FGF23: variants seen among roughly 807,000 people sequenced by gnomAD.
FGF23 encodes fibroblast growth factor 23.
A neutral mutation model predicts 9.0 loss-of-function variants in FGF23; 8 were observed. That is an observed-to-expected ratio of 0.89 (90% confidence interval 0.52 to 1.60). The LOEUF (loss-of-function observed/expected upper bound fraction) is 1.60, where lower values mean the gene tolerates loss of function less well. Ranked by LOEUF, FGF23 falls within the 40% of genes most tolerant of loss-of-function variation. The probability of loss-of-function intolerance (pLI) is 0.00; values close to 1 mark genes in which losing one functional copy is unlikely to be tolerated. For synonymous variants in FGF23, 118 were observed against 146.2 expected (o/e 0.81, Z 1.39); for missense variants, 311 against 344.3 (o/e 0.90, Z 0.77).
Position 4,370,833 on chromosome 12 carries a change from C to A in FGF23, c.316-50G>T, listed in dbSNP as rs370964848. The A allele has an allele frequency of 2.8e-5, 42 of 1,511,512 alleles. No homozygotes were observed. The African/African-American group carries it at 4.0e-4, about 14-fold the overall frequency. 93.6% of individuals were successfully genotyped at this position (1,511,512 alleles called of 1,614,324 possible). ...TGAAGGCTGGCAGTGGGGGCCCCAC[C>A]CACTCCCCAGCTCCTCCTGGGGCCA... On this transcript the variant is annotated intron_variant, in intron 2 of 2. Coordinates refer to ENST00000237837, the MANE Select transcript of FGF23 (RefSeq NM_020638.3).
At chr12:4,376,548 G>C (rs1413716622) in intron 1 of FGF23, among the ~76,000 whole-genome samples, 1 of 151,302 alleles carries the variant, frequency 6.6e-6, no homozygotes, top group African/African-American at 2.4e-5. Flanking sequence ...TTGAGACGGA[G>C]TCTCACTCTG....
At chr12:4,371,996 A>G (rs1865068553) in intron 2 of FGF23, among the ~76,000 whole-genome samples, 1 of 152,004 alleles carries the variant, frequency 6.6e-6, no homozygotes, top group African/African-American at 2.4e-5. Flanking sequence ...CTATGCAGCC[A>G]TAAAAAATGA....
At chr12:4,375,363 G>A (rs13312777) in intron 1 of FGF23, among the ~76,000 whole-genome samples, 200 of 152,276 alleles carry the variant, frequency 1.3e-3, no homozygotes, top group African/African-American at 4.5e-3. Context: ...AACATCCGGC[G>A]GTGGTTGAGG....
intron 1 of FGF23, among the ~76,000 whole-genome samples, chr12:4,379,167 T>C (rs1403644690): frequency 6.6e-6 from 1 of 150,864 alleles, no homozygotes; most frequent in Non-Finnish European, 1.5e-5. Flanking sequence ...ATTAGGAGAG[T>C]GACAGAATCT....
chr12:4,370,201 T>A lies in FGF23; in HGVS notation c.*142A>T. On this transcript the variant is annotated 3_prime_UTR_variant, in exon 3 of 3. Transcript: ENST00000237837. Reference sequence around the variant, plus strand: ...AAAGGTTGGTTCTCACAGGACCTCCTGTGGAAGGGACCCCAGAGAAGCAGC... The same window carrying A: ...AAAGGTTGGTTCTCACAGGACCTCCAGTGGAAGGGACCCCAGAGAAGCAGC... 1.2e-6 allele frequency: 1 copy of A among 825,080 alleles called. No homozygotes were observed. Among genetic ancestry groups the A allele is most frequent in the Non-Finnish European group, 2.0e-6 (1 of 503,548 alleles). The allele number at this position is 825,080 out of a possible 1,614,324, so 51.1% of individuals were successfully genotyped here.
chr12:4,373,911 G>A (rs1366954790), intron 1 of FGF23, among the ~76,000 whole-genome samples: 2 of 152,142 alleles, frequency 1.3e-5, no homozygotes, highest in East Asian at 3.9e-4. Context: ...TTCCTCTTCT[G>A]CAACTGTAGC....
chr12:4,378,680 G>A (rs1434948015), intron 1 of FGF23, among the ~76,000 whole-genome samples: 3 of 151,904 alleles, frequency 2.0e-5, no homozygotes, highest in African/African-American at 4.8e-5. Flanking sequence ...ACTCATACTG[G>A]GTACCTGGGT....
intron 1 of FGF23, among the ~76,000 whole-genome samples, chr12:4,373,550 C>A (rs1302215168): frequency 6.6e-6 from 1 of 152,140 alleles, no homozygotes; most frequent in African/African-American, 2.4e-5. Flanking sequence ...TTGGTGGTGA[C>A]CTCTCCAGGT....
intron 1 of FGF23, 94 bp from the exon 2 acceptor site, chr12:4,372,791 G>T (rs1865078021): frequency 1.2e-6 from 1 of 824,568 alleles, no homozygotes. Context: ...AACCTCCCTG[G>T]ATTGATTTTA....
intron 1 of FGF23, among the ~76,000 whole-genome samples, chr12:4,376,325 C>T (rs1865115887): frequency 6.6e-6 from 1 of 152,096 alleles, no homozygotes; most frequent in African/African-American, 2.4e-5. Flanking sequence ...GAATTTCTTA[C>T]AGCAAAGTAA....
At chr12:4,377,342 T>G (rs1271362039) in intron 1 of FGF23, among the ~76,000 whole-genome samples, 1 of 152,074 alleles carries the variant, frequency 6.6e-6, no homozygotes, top group Non-Finnish European at 1.5e-5. Flanking sequence ...CATTCTCTAG[T>G]TGGATGCAGC....
intron 1 of FGF23, among the ~76,000 whole-genome samples, chr12:4,378,176 G>A (rs887140473): frequency 2.6e-5 from 4 of 152,128 alleles, no homozygotes; most frequent in Admixed American, 1.3e-4. Context: ...ACTTAATTTT[G>A]CATGTTGTAT....
chr12:4,377,832 C>T (rs1865135676), intron 1 of FGF23, among the ~76,000 whole-genome samples: 1 of 152,204 alleles, frequency 6.6e-6, no homozygotes, highest in Admixed American at 6.5e-5. Flanking sequence ...GGTAGGACGA[C>T]AGACCATGAG....
intron 1 of FGF23, among the ~76,000 whole-genome samples, chr12:4,378,371 G>T (rs1865141654): frequency 6.6e-6 from 1 of 151,992 alleles, no homozygotes; most frequent in Admixed American, 6.6e-5. Flanking sequence ...AGCTATATTG[G>T]ATCAGTTTGC....
At chr12:4,373,485 C>T (rs563237507) in intron 1 of FGF23, among the ~76,000 whole-genome samples, 101 of 152,210 alleles carry the variant, frequency 6.6e-4, no homozygotes, top group Non-Finnish European at 1.2e-3. Flanking sequence ...ATATAAGTGA[C>T]GGATGGAATT....
chr12:4,376,070 G>A (rs535828838), intron 1 of FGF23, among the ~76,000 whole-genome samples: 3 of 152,170 alleles, frequency 2.0e-5, no homozygotes, highest in Non-Finnish European at 4.4e-5. Context: ...AGTGAAAATA[G>A]CAGGATCTAG....
chr12:4,376,529 G>A (rs1324744485), intron 1 of FGF23, among the ~76,000 whole-genome samples: 4 of 148,752 alleles, frequency 2.7e-5, no homozygotes, highest in Admixed American at 1.3e-4. Context: ...TTTGGGTAAC[G>A]TTTTTTTTTT....
chr12:4,369,487 G>A lies in FGF23; in HGVS notation c.*856C>T, dbSNP rs886049399. ...GCAAATTCTAGCAGGGCAGATTTTC[G>A]TGAGCCAGTGTAAAAGCTATTTATT... On this transcript the variant is annotated 3_prime_UTR_variant, in exon 3 of 3. Coordinates refer to ENST00000237837, the MANE Select transcript of FGF23 (RefSeq NM_020638.3). The A allele has an allele frequency of 7.0e-5, 16 of 228,752 alleles. No individual in the cohort carries two copies. Among genetic ancestry groups the A allele is most frequent in the Non-Finnish European group, 1.1e-4 (13 of 115,174 alleles). 14.2% of individuals were successfully genotyped at this position (228,752 alleles called of 1,614,324 possible).
In FGF23 at chr12:4,379,593, TCTGAGTGGCTGGTG is replaced by T. The variant is rs1390305241; in HGVS notation, c.-25_-12del. 1 of 1,583,204 alleles carries T rather than the reference TCTGAGTGGCTGGTG, an allele frequency of 6.3e-7. No individual in the cohort carries two copies. The highest frequency in any genetic ancestry group is 2.3e-5 in the East Asian group (1 of 43,216). On this transcript the variant is annotated 5_prime_UTR_variant, in exon 1 of 3. Transcript: ENST00000237837. ...GCGGGCCCCCAACATCGTGCCCTGC[TCTGAGTGGCTGGTG>T]CTGAGATTGAAACCTGACACTCCTG... is the stretch of plus-strand genomic sequence containing the variant.
Sources: gnomAD v4.1 joint callset for allele counts (sites outside exome capture counted in the v4.1 genomes callset) on GRCh38, gnomAD v4.1.1 for gene constraint, MANE v1.5 for transcripts, NCBI Gene and HGNC (gene_info 2026-07-23, HGNC 2026-07-21) for gene names.